The following OCIAD1 variants were observed in gnomAD, a reference collection of about 807,000 sequenced individuals.
OCIAD1 encodes the protein OCIA domain-containing protein 1.
A neutral mutation model predicts 38.9 loss-of-function variants in OCIAD1; 29 were observed. That is an observed-to-expected ratio of 0.74 (90% confidence interval 0.55 to 1.02). The LOEUF is 1.02. OCIAD1 is among the 50% of genes least tolerant of loss of function. The pLI is 0.00. For missense variants in OCIAD1, 288 were observed against 289.6 expected (o/e 0.99, Z 0.04); for synonymous variants, 110 against 92.0 (o/e 1.20, Z -1.12).
At chr4:48,814,098 C>T (rs1474912170) in intron 1 of OCIAD1, among the ~76,000 whole-genome samples, 1 of 152,086 alleles carries the variant, frequency 6.6e-6, no homozygotes, top group Non-Finnish European at 1.5e-5. Flanking sequence ...TCTAACAGCT[C>T]TTAGTGTGTT....
At chr4:48,808,435 A>C (rs573443618) in intron 1 of OCIAD1, among the ~76,000 whole-genome samples, 19 of 152,124 alleles carry the variant, frequency 1.2e-4, no homozygotes, top group African/African-American at 4.6e-4. Flanking sequence ...GCACCACTGC[A>C]CTCCAGCCTG....
In OCIAD1 at chr4:48,831,125, C is replaced by A; in HGVS notation, c.-130C>A. The A allele has an allele frequency of 7.1e-6, 2 of 282,970 alleles. No homozygotes were observed. Among genetic ancestry groups the A allele is most frequent in the South Asian group, 6.3e-5 (2 of 31,826 alleles). 17.5% of individuals were successfully genotyped at this position (282,970 alleles called of 1,614,324 possible). A position where few individuals can be genotyped will look rare whatever the true frequency, so the allele number is the denominator to read the frequency against. The stretch of plus-strand genomic sequence containing the variant: ...GGATGACTTCTTGCGGCTGTTCTAC[C>A]CCTCCCCCTCCCCGCGGTACCTTGC... On this transcript the variant is annotated 5_prime_UTR_variant, in exon 1 of 9. Transcript: ENST00000264312.
At chr4:48,823,410 G>A (rs1366414098) in intron 1 of OCIAD1, among the ~76,000 whole-genome samples, 3 of 151,988 alleles carry the variant, frequency 2.0e-5, no homozygotes, top group Non-Finnish European at 2.9e-5. Context: ...AGGGGGCAAA[G>A]GGAGGGAGAG....
At chr4:48,852,726 C>T (rs185682583) in intron 7 of OCIAD1, among the ~76,000 whole-genome samples, 52 of 152,198 alleles carry the variant, frequency 3.4e-4, no homozygotes, top group Admixed American at 3.9e-4. Flanking sequence ...GAGGCAATGT[C>T]TGGCAAATAA....
intron 7 of OCIAD1, among the ~76,000 whole-genome samples, chr4:48,853,343 T>A (rs1779717170): frequency 1.3e-5 from 2 of 152,348 alleles, no homozygotes; most frequent in African/African-American, 4.8e-5. Context: ...ATGTGTTTGC[T>A]TACTCATTCC....
At chr4:48,806,377 G>A (rs965800855) in intron 1 of OCIAD1, among the ~76,000 whole-genome samples, 1 of 152,028 alleles carries the variant, frequency 6.6e-6, no homozygotes, top group Non-Finnish European at 1.5e-5. Flanking sequence ...TTTCCATTTT[G>A]TTAGTTTTCA....
At chr4:48,829,295 A>G (rs1283172054), upstream of OCIAD1, among the ~76,000 whole-genome samples, 1 of 151,982 alleles carries the variant, frequency 6.6e-6, no homozygotes, top group Non-Finnish European at 1.5e-5. Context: ...GCTTTAACAT[A>G]AAGCTCACCA....
At chr4:48,835,848 ATTAATAG>A (rs1461201764) in intron 3 of OCIAD1, among the ~76,000 whole-genome samples, 5 of 152,212 alleles carry the variant, frequency 3.3e-5, no homozygotes, top group African/African-American at 4.8e-5. Flanking sequence ...CAACAAAAGA[ATTAATAG>A]TTAATAAGTA....
intron 1 of OCIAD1, among the ~76,000 whole-genome samples, chr4:48,819,008 A>G (rs560845302): frequency 6.6e-6 from 1 of 152,328 alleles, no homozygotes; most frequent in African/African-American, 2.4e-5. Flanking sequence ...ACTTCAGGGT[A>G]TTATCCACAA....
chr4:48,852,731 AAAT>A (rs1275813900), intron 7 of OCIAD1, among the ~76,000 whole-genome samples: 10 of 152,290 alleles, frequency 6.6e-5, no homozygotes, highest in Admixed American at 2.0e-4. Context: ...AATGTCTGGC[AAAT>A]AATAGACTCA....
chr4:48,817,588 C>T (rs528126587), intron 1 of OCIAD1, among the ~76,000 whole-genome samples: 1 of 152,302 alleles, frequency 6.6e-6, no homozygotes, highest in East Asian at 1.9e-4. Context: ...ATTGTTTACT[C>T]CCCTGGAAAG....
rs1780561181 is a variant in OCIAD1 at position 48,861,053 on chromosome 4, G to A, written c.*291G>A. ...CAAAGATAACTCTTAAAAAACCGTCGAGATTACAATGCTCTAGAATCAGCA... is the reference window on the plus strand; with the variant it reads ...CAAAGATAACTCTTAAAAAACCGTCAAGATTACAATGCTCTAGAATCAGCA... On this transcript the variant is annotated 3_prime_UTR_variant, in exon 9 of 9. Coordinates refer to ENST00000264312, the MANE Select transcript of OCIAD1 (RefSeq NM_017830.4). 3 of 327,126 alleles carry A rather than the reference G, an allele frequency of 9.2e-6. No homozygotes were observed. Among genetic ancestry groups the A allele is most frequent in the Admixed American group, 4.9e-5 (1 of 20,234 alleles). The allele number at this position is 327,126 out of a possible 1,614,324, so 20.3% of individuals were successfully genotyped here.
chr4:48,834,060 T>C (rs1777766567), intron 3 of OCIAD1, among the ~76,000 whole-genome samples: 2 of 152,202 alleles, frequency 1.3e-5, no homozygotes, highest in Non-Finnish European at 2.9e-5. Flanking sequence ...ATACAGAGAT[T>C]GTTGGAAGCA....
chr4:48,807,990 A>G (rs1358196690), intron 1 of OCIAD1, among the ~76,000 whole-genome samples: 2 of 152,218 alleles, frequency 1.3e-5, no homozygotes, highest in Non-Finnish European at 2.9e-5. Context: ...TCTCAAAATA[A>G]GAGGTGGATA....
At chr4:48,820,179 A>T (rs1355475748) in intron 1 of OCIAD1, among the ~76,000 whole-genome samples, 1 of 152,242 alleles carries the variant, frequency 6.6e-6, no homozygotes, top group Admixed American at 6.5e-5. Flanking sequence ...AATGCAAAAG[A>T]ATGGAAATCA....
chr4:48,853,796 T>C (rs1579108638), intron 7 of OCIAD1, among the ~76,000 whole-genome samples: 1 of 152,190 alleles, frequency 6.6e-6, no homozygotes. Context: ...CAGAAAGTTA[T>C]GTTGGACAGC....
chr4:48,823,510 A>G lies in OCIAD1; in HGVS notation c.-102-7067A>G, dbSNP rs548655216. 2.6e-5 allele frequency among the ~76,000 whole-genome samples: 4 copies of G among 152,190 alleles called. No individual in the cohort carries two copies. In the East Asian group the frequency reaches 7.7e-4, roughly 29 times the overall value. On this transcript the variant is annotated intron_variant, in intron 1 of 6. Transcript: ENST00000504654. ...AAACCACCATGGCACCTGTATACCT[A>G]TGTAACACACCTGCAGGTTCTCCAC...
At chr4:48,818,980 A>G (rs1226676579) in intron 1 of OCIAD1, among the ~76,000 whole-genome samples, 1 of 152,180 alleles carries the variant, frequency 6.6e-6, no homozygotes, top group Non-Finnish European at 1.5e-5. Flanking sequence ...GGGAGAATGG[A>G]ACCAAGTTGA....
upstream of OCIAD1, among the ~76,000 whole-genome samples, chr4:48,829,352 C>A (rs1450418135): frequency 6.6e-6 from 1 of 151,510 alleles, no homozygotes; most frequent in Non-Finnish European, 1.5e-5. Context: ...TCTAGAATGT[C>A]TTTTAATTTT....
Sources: gnomAD v4.1 joint callset for allele counts (sites outside exome capture counted in the v4.1 genomes callset) on GRCh38, gnomAD v4.1.1 for gene constraint, MANE v1.5 for transcripts, NCBI Gene and HGNC (gene_info 2026-07-23, HGNC 2026-07-21) for gene names.